The following COL13A1 variants were observed in gnomAD, a reference collection of about 807,000 sequenced individuals.
The protein encoded by COL13A1 is collagen alpha-1(XIII) chain.
Under a neutral mutation model 130.9 loss-of-function variants are expected in COL13A1, and 89 were observed. The observed-to-expected ratio is 0.68, with a 90% CI of 0.57 to 0.81. The LOEUF is 0.81. Ranked by LOEUF, COL13A1 falls within the 30% of genes least tolerant of loss-of-function variation. The pLI is 0.00. For synonymous variants in COL13A1, 402 were observed against 341.6 expected (o/e 1.18, Z -1.95); for missense variants, 879 against 934.6 (o/e 0.94, Z 0.78).
chr10:69,860,366 G>A (rs1388082378), intron 2 of COL13A1, among the ~76,000 whole-genome samples: 2 of 152,186 alleles, frequency 1.3e-5, no homozygotes, highest in African/African-American at 4.8e-5. Flanking sequence ...CGGGCATGAG[G>A]GAGACACAGC....
chr10:69,930,320 T>C (rs1383526914), intron 29 of COL13A1, 80 bp from the exon 30 acceptor site: 1 of 1,370,290 alleles, frequency 7.3e-7, no homozygotes, highest in Admixed American at 2.5e-5. Context: ...GCCAAGGCCT[T>C]TGGACTTTTC....
chr10:69,884,382 C>T (rs777174218), intron 7 of COL13A1, among the ~76,000 whole-genome samples: 6 of 152,176 alleles, frequency 3.9e-5, no homozygotes, highest in Admixed American at 2.0e-4. Flanking sequence ...AAACATTTGC[C>T]GGCAAGGAGT....
chr10:69,956,148 T>C (rs2070637546), intron 39 of COL13A1: 1 of 152,288 alleles, frequency 6.6e-6, no homozygotes, highest in Non-Finnish European at 1.5e-5. Context: ...ACCAGACCTT[T>C]GCCCTTGGCC....
intron 2 of COL13A1, among the ~76,000 whole-genome samples, chr10:69,856,968 A>C (rs993954981): frequency 6.6e-6 from 1 of 152,212 alleles, no homozygotes; most frequent in African/African-American, 2.4e-5. Flanking sequence ...CCTCGCCCAC[A>C]CAAGGGCTGA....
chr10:69,895,520 C>T, intron 12 of COL13A1, 30 bp from the exon 13 acceptor site: 1 of 1,613,892 alleles, frequency 6.2e-7, no homozygotes, highest in South Asian at 1.1e-5. Flanking sequence ...AAGTGCCTAA[C>T]ACCACCTTTC....
intron 2 of COL13A1, among the ~76,000 whole-genome samples, chr10:69,858,850 G>C (rs1382113110): frequency 6.6e-6 from 1 of 152,166 alleles, no homozygotes; most frequent in African/African-American, 2.4e-5. Context: ...AAAGCTTTAG[G>C]GTGTAGCTGA....
intron 2 of COL13A1, among the ~76,000 whole-genome samples, chr10:69,853,708 G>A (rs1855627895): frequency 6.6e-6 from 1 of 152,182 alleles, no homozygotes; most frequent in Admixed American, 6.5e-5. Flanking sequence ...CACGTTATAT[G>A]ATCTTTAAAC....
intron 2 of COL13A1, among the ~76,000 whole-genome samples, chr10:69,833,383 A>G (rs1849265650): frequency 6.6e-6 from 1 of 152,190 alleles, no homozygotes; most frequent in Admixed American, 6.5e-5. Flanking sequence ...TGGACTGCCT[A>G]CGTGCTCTTT....
rs138119793 is a variant in COL13A1 at position 69,816,500 on chromosome 10, A to C, written c.295-5869A>C. On this transcript the variant is annotated intron_variant, in intron 1 of 40. Coordinates refer to ENST00000645393, the MANE Select transcript of COL13A1 (RefSeq NM_001368882.1). ...TATAGGTTGGAGGGCGTCATTCTGCATAGATGGCTTTGAAGCCATCAGACT... is the reference window on the plus strand; with the variant it reads ...TATAGGTTGGAGGGCGTCATTCTGCCTAGATGGCTTTGAAGCCATCAGACT... Among the ~76,000 whole-genome samples the C allele has an allele frequency of 8.6e-3, 1,315 of 152,182 alleles. 32 individuals carry two copies. The highest frequency in any genetic ancestry group is 0.03 in the African/African-American group (1,239 of 41,506).
intron 2 of COL13A1, among the ~76,000 whole-genome samples, chr10:69,830,937 T>C (rs968650903): frequency 3.3e-5 from 5 of 152,170 alleles, no homozygotes; most frequent in African/African-American, 1.2e-4. Context: ...CAAGCGTTAA[T>C]CTACTCTCCA....
intron 15 of COL13A1, 105 bp from the exon 16 acceptor site, chr10:69,904,828 A>T: frequency 8.2e-7 from 1 of 1,223,654 alleles, no homozygotes; most frequent in Non-Finnish European, 1.1e-6. Context: ...TGCCATAGCT[A>T]TTGGGAGCTG....
chr10:69,881,130 G>C (rs910776081), intron 7 of COL13A1, among the ~76,000 whole-genome samples: 1 of 152,242 alleles, frequency 6.6e-6, no homozygotes, highest in African/African-American at 2.4e-5. Flanking sequence ...ACAGGGGTGT[G>C]GGTGATGAAG....
intron 2 of COL13A1, among the ~76,000 whole-genome samples, chr10:69,853,907 G>A (rs1855685260): frequency 6.6e-6 from 1 of 152,192 alleles, no homozygotes; most frequent in African/African-American, 2.4e-5. Flanking sequence ...GAGTGGGCAT[G>A]GGGGATTATG....
chr10:69,836,791 G>C (rs772542441), intron 2 of COL13A1, among the ~76,000 whole-genome samples: 1 of 152,214 alleles, frequency 6.6e-6, no homozygotes, highest in African/African-American at 2.4e-5. Flanking sequence ...TGAGGACCAA[G>C]TATGGGCAGA....
chr10:69,894,476 A>G lies in COL13A1; in HGVS notation c.604-76A>G, dbSNP rs889597604. The G allele has an allele frequency of 1.1e-5, 17 of 1,578,304 alleles. No individual in the cohort carries two copies. In the African/African-American group the frequency reaches 1.2e-4, roughly 11 times the overall value. ...GCCCAGCCTTCGGGATTCAGCCCCA[A>G]TCCCCACCCAGGCAGGTGTCCCTGA... On this transcript the variant is annotated intron_variant, in intron 10 of 40. Coordinates refer to ENST00000645393, the MANE Select transcript of COL13A1 (RefSeq NM_001368882.1).
chr10:69,918,278 C>A lies in COL13A1; in HGVS notation c.967-7C>A. On this transcript the variant is annotated splice_polypyrimidine_tract_variant and splice_region_variant and intron_variant, in intron 18 of 40. Transcript: ENST00000645393. ...TCTTCAGACCTTTTTTTTTCTCTCT[C>A]TGCCAGGGGGCGCCCGGAATTGCCG... The A allele has an allele frequency of 6.2e-7, 1 of 1,611,584 alleles. No homozygotes were observed. The highest frequency in any genetic ancestry group is 1.1e-5 in the South Asian group (1 of 90,914).
chr10:69,903,600 G>A (rs1005582560), intron 15 of COL13A1, among the ~76,000 whole-genome samples: 6 of 152,220 alleles, frequency 3.9e-5, no homozygotes, highest in East Asian at 1.9e-4. Flanking sequence ...CCACCCACCC[G>A]TAAGACTAAT....
chr10:69,824,138 T>C, intron 2 of COL13A1: 1 of 472,312 alleles, frequency 2.1e-6, no homozygotes, highest in Non-Finnish European at 4.4e-6. Flanking sequence ...TGTGCCTCAG[T>C]TGCCTTGTCT....
At chr10:69,878,147 C>T in intron 6 of COL13A1, 82 bp downstream of exon 6, 1 of 694,578 alleles carries the variant, frequency 1.4e-6, no homozygotes, top group Non-Finnish European at 2.6e-6. Context: ...TCAGCCCTCC[C>T]CCCCATGAAA....
Sources: gnomAD v4.1 joint callset for allele counts (sites outside exome capture counted in the v4.1 genomes callset) on GRCh38, gnomAD v4.1.1 for gene constraint, MANE v1.5 for transcripts, NCBI Gene and HGNC (gene_info 2026-07-23, HGNC 2026-07-21) for gene names.